The following LCA5L variants were observed in gnomAD, a reference collection of about 807,000 sequenced individuals.
The protein encoded by LCA5L is lebercilin-like protein.
In LCA5L, 35 loss-of-function variants were observed where a neutral mutation model predicts 45.4. The ratio of observed to expected loss-of-function variants is 0.77; its 90% CI spans 0.59 to 1.02. The LOEUF (loss-of-function observed/expected upper bound fraction) is 1.02, where lower values mean the gene tolerates loss of function less well. Among genes scored for constraint, LCA5L ranks in the 50% least tolerant of loss-of-function variants. The pLI, the probability that LCA5L is intolerant of heterozygous loss-of-function variation, is 0.00. For synonymous variants in LCA5L, 233 were observed against 264.7 expected, an observed-to-expected ratio of 0.88 and a Z score of 1.16; for missense variants, 668 against 761.6, an observed-to-expected ratio of 0.88 and a Z score of 1.45.
At position 39,423,199 on chromosome 21, in the gene LCA5L, T is replaced by C. The variant is rs969639528; in HGVS notation, c.614A>G (p.Asn205Ser). The C allele has an allele frequency of 1.2e-6, 2 of 1,612,928 alleles. No individual in the cohort carries two copies. Among genetic ancestry groups the C allele is most frequent in the Admixed American group, 3.3e-5 (2 of 59,892 alleles). ...NLPQIMAKHQ[N>S]EVKNLRQLLR... ...TAGTTGCCTTAAATTTTTTACTTCA[T>C]TCTGATGTTTAGCCATAATTTGAGG... The change falls in exon 6 of 11, where the codon AAT becomes AGT. Residue 205 changes from asparagine to serine, a missense_variant. Transcript: ENST00000288350.
chr21:39,419,515 AC>A (rs2041897658), intron 7 of LCA5L, among the ~76,000 whole-genome samples: 1 of 109,478 alleles, frequency 9.1e-6, no homozygotes, highest in South Asian at 3.3e-4. Context: ...ACAGAGCAAG[AC>A]CCTGTTCAAA....
chr21:39,414,732 C>CTGTGTG (rs1464601997), intron 7 of LCA5L, among the ~76,000 whole-genome samples: 8 of 110,496 alleles, frequency 7.2e-5, no homozygotes, highest in African/African-American at 2.3e-4. Flanking sequence ...CTCTCTCTCT[C>CTGTGTG]TCTCTCTCTC....
At chr21:39,425,039 A>G (rs2074419425) in intron 5 of LCA5L, among the ~76,000 whole-genome samples, 1 of 152,252 alleles carries the variant, frequency 6.6e-6, no homozygotes, top group Admixed American at 6.5e-5. Context: ...TTTGTAGGAT[A>G]TAGAGGTATA....
chr21:39,434,156 A>G (rs1194280021), intron 3 of LCA5L, among the ~76,000 whole-genome samples: 1 of 152,158 alleles, frequency 6.6e-6, no homozygotes, highest in African/African-American at 2.4e-5. Context: ...TGTGAGTTCT[A>G]TTCTTTTCCA....
chr21:39,416,774 CATT>C (rs1337258260), intron 7 of LCA5L, among the ~76,000 whole-genome samples: 1 of 152,160 alleles, frequency 6.6e-6, no homozygotes, highest in African/African-American at 2.4e-5. Context: ...ACATCAACAT[CATT>C]ACCAACTATA....
intron 5 of LCA5L, among the ~76,000 whole-genome samples, chr21:39,427,563 G>A (rs1301984562): frequency 6.6e-6 from 1 of 151,750 alleles, no homozygotes; most frequent in Non-Finnish European, 1.5e-5. Flanking sequence ...TCAGGAGGCT[G>A]AGGCAGGAGA....
intron 8 of LCA5L, 84 bp from the exon 9 acceptor site, chr21:39,410,451 C>T: frequency 1.4e-6 from 1 of 699,756 alleles, no homozygotes; most frequent in Non-Finnish European, 2.4e-6. Context: ...AACTTTTATG[C>T]AATGTAATAA....
chr21:39,418,368 G>T (rs1271795835), intron 7 of LCA5L, among the ~76,000 whole-genome samples: 1 of 152,148 alleles, frequency 6.6e-6, no homozygotes, highest in Non-Finnish European at 1.5e-5. Context: ...GATATCCATT[G>T]TGTGGAGGTA....
chr21:39,413,910 CAG>C (rs1401217253), intron 7 of LCA5L: 2 of 152,480 alleles, frequency 1.3e-5, no homozygotes, highest in African/African-American at 4.8e-5. Context: ...ACAGCAACAA[CAG>C]AACAACAACA....
chr21:39,440,818 T>C (rs976317357), intron 2 of LCA5L, among the ~76,000 whole-genome samples: 8 of 148,122 alleles, frequency 5.4e-5, no homozygotes, highest in African/African-American at 1.9e-4. Context: ...GTCTTCCTAT[T>C]GAATGAAAGG....
intron 7 of LCA5L, 87 bp from the exon 8 acceptor site, chr21:39,411,889 G>C (rs2040144190): frequency 2.9e-6 from 2 of 694,814 alleles, no homozygotes; most frequent in African/African-American, 3.6e-5. Flanking sequence ...AATGAGCTCA[G>C]TATCCTATGA....
chr21:39,415,795 T>C (rs2041037062), intron 7 of LCA5L, among the ~76,000 whole-genome samples: 1 of 152,222 alleles, frequency 6.6e-6, no homozygotes, highest in South Asian at 2.1e-4. Flanking sequence ...TATTTAATCG[T>C]AGAAATGGGG....
chr21:39,436,885 G>A (rs2076341526), intron 2 of LCA5L, among the ~76,000 whole-genome samples: 3 of 151,890 alleles, frequency 2.0e-5, no homozygotes. Context: ...ATTTCCTATT[G>A]CCTTCCCCAT....
chr21:39,427,930 G>A, intron 5 of LCA5L: 1 of 302,216 alleles, frequency 3.3e-6, no homozygotes, highest in Non-Finnish European at 6.2e-6. Context: ...AACCTCACTA[G>A]TAGGCTCCAG....
Position 39,406,002 on chromosome 21 carries a change from C to T in LCA5L, c.1893G>A (p.Ser631=), listed in dbSNP as rs140751076. 71 of 1,614,160 alleles carry T rather than the reference C, an allele frequency of 4.4e-5. No individual in the cohort carries two copies. In the Middle Eastern group the frequency reaches 4.9e-4, roughly 11 times the overall value. Residue 631 remains serine (S), a synonymous_variant, in exon 11 of 11, where the codon TCG becomes TCA. Transcript: ENST00000288350. ...AGGCCTGACTGGGAGGCAGGGGATG[C>T]GACTCCTTACTTTGCAAAGGCTCCT... The part of the protein sequence containing the change: ...GSEEPLQSKE[S]HPLPPSQAST...
intron 2 of LCA5L, chr21:39,443,611 T>C (rs2077086463): frequency 6.6e-6 from 1 of 152,276 alleles, no homozygotes; most frequent in Admixed American, 6.5e-5. Flanking sequence ...CTGAGGAAAA[T>C]GGTCATTTAT....
In LCA5L at chr21:39,406,242, G is replaced by A. The variant is rs775362802; in HGVS notation, c.1653C>T (p.Tyr551=). 4 of 1,614,096 alleles carry A rather than the reference G, an allele frequency of 2.5e-6. No individual in the cohort carries two copies. Among genetic ancestry groups the A allele is most frequent in the African/African-American group, 2.7e-5 (2 of 74,926 alleles). The change falls in exon 11 of 11, where the codon TAC becomes TAT. Residue 551 remains tyrosine, a synonymous_variant. Transcript: ENST00000288350. ...GGPANAGNMR[Y]SHSTGKHLSN... The stretch of plus-strand genomic sequence containing the variant: ...TGAGATGCTTGCCTGTACTATGACT[G>A]TACCTCATGTTGCCGGCATTGGCTG...
intron 7 of LCA5L, among the ~76,000 whole-genome samples, chr21:39,417,793 T>G (rs971548787): frequency 6.6e-6 from 1 of 151,788 alleles, no homozygotes; most frequent in Non-Finnish European, 1.5e-5. Flanking sequence ...TGAGATGGAG[T>G]CTCGCTCTGT....
intron 3 of LCA5L, among the ~76,000 whole-genome samples, 175 bp downstream of exon 3, chr21:39,435,245 T>C (rs541937400): frequency 1.3e-5 from 2 of 152,324 alleles, no homozygotes; most frequent in South Asian, 4.1e-4. Context: ...AAAAGAACAG[T>C]AAACTTCTAT....
Sources: allele counts gnomAD v4.1 joint callset (sites outside exome capture counted in the v4.1 genomes callset), GRCh38; gene constraint gnomAD v4.1.1; transcripts MANE v1.5; gene names NCBI Gene and HGNC (gene_info 2026-07-23, HGNC 2026-07-21).